Variants in ASPM observed in about 807,000 individuals in gnomAD.
ASPM encodes the protein assembly factor for spindle microtubules.
In ASPM, 256 loss-of-function variants were observed where a neutral mutation model predicts 366.4. The ratio of observed to expected loss-of-function variants is 0.70; its 90% confidence interval spans 0.63 to 0.77. The LOEUF (loss-of-function observed/expected upper bound fraction) is 0.77, where lower values mean the gene tolerates loss of function less well. Ranked by LOEUF, ASPM falls within the 30% of genes least tolerant of loss-of-function variation. The probability of loss-of-function intolerance (pLI) is 0.00; values close to 1 mark genes in which losing one functional copy is unlikely to be tolerated. For missense variants in ASPM, 4,146 were observed against 4,090.4 expected (o/e 1.01, Z -0.37); for synonymous variants, 1,414 against 1,342.9 (o/e 1.05, Z -1.16).
At position 197,104,596 on chromosome 1, in the gene ASPM, T is replaced by C; in HGVS notation, c.4655A>G (p.Lys1552Arg). 10 of 1,612,902 alleles carry C rather than the reference T, an allele frequency of 6.2e-6. No individual in the cohort carries two copies. The highest frequency in any genetic ancestry group is 8.5e-6 in the Non-Finnish European group (10 of 1,179,392). ...AATTTGTCTACATAAATTATGAGCT[T>C]TCAGTCTCCTAAAAGCAGCTTGTAA... ...IQLQAAFRRL[K>R]AHNLCRQIRA... Residue 1552 changes from lysine (K) to arginine (R), a missense_variant, in exon 18 of 28, where the codon AAA becomes AGA. Coordinates refer to ENST00000367409, the MANE Select transcript of ASPM (RefSeq NM_018136.5).
chr1:197,109,047 G>A (rs545595294), intron 17 of ASPM, among the ~76,000 whole-genome samples: 37 of 149,266 alleles, frequency 2.5e-4, no homozygotes, highest in Non-Finnish European at 4.3e-4. Context: ...TAATGTGATC[G>A]CTATACAGTA....
intron 17 of ASPM, among the ~76,000 whole-genome samples, chr1:197,111,882 G>C (rs994147981): frequency 3.3e-5 from 5 of 152,154 alleles, no homozygotes; most frequent in African/African-American, 1.2e-4. Flanking sequence ...TGAGGTTGTA[G>C]AGAAAAAGGA....
intron 1 of ASPM, among the ~76,000 whole-genome samples, chr1:197,144,456 T>C (rs1311687316): frequency 6.6e-6 from 1 of 152,202 alleles, no homozygotes; most frequent in Non-Finnish European, 1.5e-5. Context: ...GGACCCTGCA[T>C]TATGAAGACT....
Position 197,088,423 on chromosome 1 carries a change from T to G in ASPM, c.9994A>C (p.Thr3332Pro). Residue 3332 changes from threonine (T) to proline (P), a missense_variant, in exon 26 of 28, where the codon ACT becomes CCT. This residue lies in a region of ASPM where 3,624 missense variants were observed against 3,591.7 expected (regional missense o/e 1.01). Transcript: ENST00000367409. ...VLLNVSKYEK[T>P]TSAVYDVENC... ...TCTACATCATAAACTGCTGAAGTAG[T>G]TTTCTCATACTTGAAGAGAACAGAA... 1 of 1,599,384 alleles carries G rather than the reference T, an allele frequency of 6.3e-7. No individual in the cohort carries two copies. Among genetic ancestry groups the G allele is most frequent in the Non-Finnish European group, 8.6e-7 (1 of 1,168,678 alleles).
At chr1:197,141,115 A>G (rs1658565179) in intron 3 of ASPM, among the ~76,000 whole-genome samples, 1 of 152,130 alleles carries the variant, frequency 6.6e-6, no homozygotes, top group Admixed American at 6.6e-5. Flanking sequence ...TCCATTCCCC[A>G]TGCAAAACCC....
chr1:197,124,534 A>G (rs891897020), intron 12 of ASPM, among the ~76,000 whole-genome samples: 5 of 151,472 alleles, frequency 3.3e-5, no homozygotes, highest in Non-Finnish European at 5.9e-5. Context: ...AAAGGCAAAC[A>G]CCATCTACAC....
At position 197,098,394 on chromosome 1, in the gene ASPM, G is replaced by A. The variant is rs559128755; in HGVS notation, c.8820+2037C>T. ...TTAAAATTCCAGGTGACTCCAATAT[G>A]CAGTAAAGTTTTAGACCACTGGCAT... is the stretch of plus-strand genomic sequence containing the variant. On this transcript the variant is annotated intron_variant, in intron 18 of 27. Coordinates refer to ENST00000367409, the MANE Select transcript of ASPM (RefSeq NM_018136.5). Among the ~76,000 whole-genome samples the A allele has an allele frequency of 2.0e-5, 3 of 151,664 alleles. No homozygotes were observed. In the South Asian group the frequency reaches 6.2e-4, roughly 31 times the overall value.
chr1:197,137,347 A>G (rs1658450472), intron 4 of ASPM, among the ~76,000 whole-genome samples: 1 of 152,230 alleles, frequency 6.6e-6, no homozygotes, highest in African/African-American at 2.4e-5. Context: ...ATGGACACTT[A>G]AGTGAACAAA....
chr1:197,135,025 A>G (rs1170560339), intron 5 of ASPM, 71 bp downstream of exon 5: 1 of 1,191,928 alleles, frequency 8.4e-7, no homozygotes, highest in Non-Finnish European at 1.2e-6. Context: ...TAATTAAAGA[A>G]TGACAAACGA....
At position 197,143,690 on chromosome 1, in the gene ASPM, C is replaced by A. The variant is rs587783251; in HGVS notation, c.562G>T (p.Val188Phe). ...TFSVSQKVDR[V>F]RSPLQACENL... is the part of the protein sequence containing the mutation. Reference sequence around the variant, plus strand: ...TCACAAGCTTGTAGTGGGCTCCTAACTCTGTCAACTTTTTGGGAAACACTA... The same window carrying A: ...TCACAAGCTTGTAGTGGGCTCCTAAATCTGTCAACTTTTTGGGAAACACTA... Residue 188 changes from valine (V) to phenylalanine (F), a missense_variant, in exon 3 of 28, where the codon GTT becomes TTT. Physicochemically the swap from Val to Phe is conservative, Grantham distance 50. Transcript: ENST00000367409. 1 of 1,613,820 alleles carries A rather than the reference C, an allele frequency of 6.2e-7. No individual in the cohort carries two copies. The highest frequency in any genetic ancestry group is 1.3e-5 in the African/African-American group (1 of 74,936).
At chr1:197,139,154 G>T (rs781048936) in intron 4 of ASPM, 18 of 928,416 alleles carry the variant, frequency 1.9e-5, no homozygotes, top group Admixed American at 1.7e-4. Context: ...TTTCCACATT[G>T]GTACAAAGAA....
Position 197,101,179 on chromosome 1 carries a change from G to A in ASPM, c.8072C>T (p.Ala2691Val). The change falls in exon 18 of 28, where the codon GCT becomes GTT. Residue 2691 changes from alanine (A) to valine (V), a missense_variant. Coordinates refer to ENST00000367409, the MANE Select transcript of ASPM (RefSeq NM_018136.5). ...VRKDIQNMHRAATLIQSFYRM... is the reference protein window; with the variant it reads ...VRKDIQNMHRVATLIQSFYRM... ...ATAGAATGACTGAATTAGTGTGGCAGCCCGGTGCATATTTTGAATATCCTT... is the reference window on the plus strand; with the variant it reads ...ATAGAATGACTGAATTAGTGTGGCAACCCGGTGCATATTTTGAATATCCTT... 1 of 1,612,398 alleles carries A rather than the reference G, an allele frequency of 6.2e-7. No individual in the cohort carries two copies. The highest frequency in any genetic ancestry group is 2.2e-5 in the East Asian group (1 of 44,768).
Position 197,103,642 on chromosome 1 carries a change from T to C in ASPM, c.5609A>G (p.His1870Arg). The C allele has an allele frequency of 6.2e-7, 1 of 1,612,910 alleles. No individual in the cohort carries two copies. Residue 1870 changes from histidine (H) to arginine (R), a missense_variant, in exon 18 of 28, where the codon CAT becomes CGT. His to Arg is a conservative substitution (Grantham distance 29). This residue lies in a region of ASPM where 3,624 missense variants were observed against 3,591.7 expected (regional missense o/e 1.01). Transcript: ENST00000367409. ...AYKTLHDTRTHFLKTKAAVIS... is the reference protein window; with the variant it reads ...AYKTLHDTRTRFLKTKAAVIS... ...CACAGCTGCCTTTGTCTTCAAAAAA[T>C]GTGTTCTTGTATCATGAAGAGTCTT...
At chr1:197,093,577 T>C (rs1488543396) in intron 20 of ASPM, among the ~76,000 whole-genome samples, 2 of 151,834 alleles carry the variant, frequency 1.3e-5, no homozygotes, top group African/African-American at 4.8e-5. Context: ...ATAAAAATGC[T>C]AGCTACAATA....
At chr1:197,091,761 C>A in intron 22 of ASPM, 146 bp downstream of exon 22, 1 of 795,202 alleles carries the variant, frequency 1.3e-6, no homozygotes, top group African/African-American at 1.7e-5. Context: ...CTATTTCTAA[C>A]CCTCAAATCA....
intron 1 of ASPM, among the ~76,000 whole-genome samples, chr1:197,145,657 G>C (rs1658742198): frequency 6.6e-6 from 1 of 152,014 alleles, no homozygotes; most frequent in Non-Finnish European, 1.5e-5. Flanking sequence ...TCTTAAAAAA[G>C]TGTTAAAAAA....
chr1:197,128,453 T>C, intron 10 of ASPM, 37 bp downstream of exon 10: 2 of 1,570,630 alleles, frequency 1.3e-6, no homozygotes, highest in Non-Finnish European at 1.8e-6. Context: ...TGTTAGTCTA[T>C]TCCATTAAGC....
Position 197,103,122 on chromosome 1 carries a change from G to A in ASPM, c.6129C>T (p.Cys2043=), listed in dbSNP as rs752566786. ...ACTGTATAGTGACTGCTGCTTTGTTGCAATCCTTTATTCTTTTTCTCACTT... is the reference window on the plus strand; with the variant it reads ...ACTGTATAGTGACTGCTGCTTTGTTACAATCCTTTATTCTTTTTCTCACTT... ...GMKVRKRIKD[C]NKAAVTIQSK... Residue 2043 remains cysteine, a synonymous_variant, in exon 18 of 28, where the codon TGC becomes TGT. Coordinates refer to ENST00000367409, the MANE Select transcript of ASPM (RefSeq NM_018136.5). The A allele has an allele frequency of 1.2e-6, 2 of 1,612,630 alleles. No individual in the cohort carries two copies. Among genetic ancestry groups the A allele is most frequent in the South Asian group, 1.1e-5 (1 of 91,050 alleles).
chr1:197,121,885 C>T (rs750655488), intron 16 of ASPM, 30 bp downstream of exon 16: 34 of 1,577,714 alleles, frequency 2.2e-5, no homozygotes, highest in Non-Finnish European at 2.9e-5. Flanking sequence ...GTATAATTCA[C>T]ACTATAGTAG....
Sources: allele counts gnomAD v4.1 joint callset (sites outside exome capture counted in the v4.1 genomes callset), GRCh38; gene constraint gnomAD v4.1.1; regional missense constraint gnomAD v4.1.1; transcripts MANE v1.5; gene names NCBI Gene and HGNC (gene_info 2026-07-23, HGNC 2026-07-21).